The following MCTP1 variants were observed in gnomAD, a reference collection of about 807,000 sequenced individuals.
MCTP1 encodes multiple C2 and transmembrane domain containing 1, also known as multiple C2 and transmembrane domain-containing protein 1.
A neutral mutation model predicts 120.6 loss-of-function variants in MCTP1; 69 were observed. The observed-to-expected ratio is 0.57, with a 90% CI of 0.47 to 0.70. The LOEUF is 0.70. Ranked by LOEUF, MCTP1 falls within the 30% of genes least tolerant of loss-of-function variation. The pLI, the probability that MCTP1 is intolerant of heterozygous loss-of-function variation, is 0.00. For synonymous variants in MCTP1, 529 were observed against 493.1 expected (o/e 1.07, Z -0.96); for missense variants, 1,203 against 1,248.8 (o/e 0.96, Z 0.55).
intron 19 of MCTP1, among the ~76,000 whole-genome samples, chr5:94,750,003 T>TC (rs1767911712): frequency 6.6e-6 from 1 of 152,194 alleles, no homozygotes; most frequent in Admixed American, 6.5e-5. Flanking sequence ...GTCTGTACAA[T>TC]CACTTGGTAA....
intron 1 of MCTP1, among the ~76,000 whole-genome samples, chr5:95,165,190 G>A (rs917617286): frequency 2.6e-5 from 4 of 152,204 alleles, no homozygotes; most frequent in Non-Finnish European, 5.9e-5. Flanking sequence ...TGAAAAGTCT[G>A]TGCCTCAGCA....
intron 20 of MCTP1, among the ~76,000 whole-genome samples, chr5:94,714,444 GTTTA>G (rs141827482): frequency 0.051 from 7,703 of 152,142 alleles, 273 homozygotes; most frequent in Non-Finnish European, 0.08. Context: ...ATTTAGCTTG[GTTTA>G]TTTTTTTCCT....
chr5:95,025,486 A>T (rs962679523), intron 1 of MCTP1, among the ~76,000 whole-genome samples: 3 of 152,236 alleles, frequency 2.0e-5, no homozygotes, highest in African/African-American at 7.2e-5. Flanking sequence ...TCAGATGCAA[A>T]GTACAAAGTT....
At chr5:95,233,747 T>A (rs1354818362) in intron 1 of MCTP1, among the ~76,000 whole-genome samples, 2 of 152,128 alleles carry the variant, frequency 1.3e-5, no homozygotes, top group Non-Finnish European at 2.9e-5. Flanking sequence ...ACTCAAGTAG[T>A]GTTTAGAGGG....
chr5:94,996,914 T>C (rs1316186084), intron 2 of MCTP1, among the ~76,000 whole-genome samples: 1 of 152,202 alleles, frequency 6.6e-6, no homozygotes, highest in Non-Finnish European at 1.5e-5. Flanking sequence ...ACAGGTTTGA[T>C]ATGTTGAGAC....
At chr5:94,764,828 C>CAAAAAAAA (rs57246943) in intron 19 of MCTP1, among the ~76,000 whole-genome samples, 2 of 90,974 alleles carry the variant, frequency 2.2e-5, no homozygotes, top group South Asian at 3.7e-4. Flanking sequence ...TGACCTGGAC[C>CAAAAAAAA]AAAAAAAAAA....
intron 1 of MCTP1, among the ~76,000 whole-genome samples, chr5:95,144,442 G>T (rs1260224335): frequency 6.6e-6 from 1 of 151,992 alleles, no homozygotes; most frequent in Non-Finnish European, 1.5e-5. Flanking sequence ...TGTTTTTGTT[G>T]CAGTTGCTTT....
intron 1 of MCTP1, among the ~76,000 whole-genome samples, chr5:95,186,472 G>A (rs1749223380): frequency 6.6e-6 from 1 of 152,004 alleles, no homozygotes; most frequent in East Asian, 1.9e-4. Context: ...AAATGTGCAT[G>A]GGATCTTATG....
chr5:95,167,611 T>G (rs1183414303), intron 1 of MCTP1, among the ~76,000 whole-genome samples: 2 of 152,244 alleles, frequency 1.3e-5, no homozygotes, highest in Non-Finnish European at 1.5e-5. Flanking sequence ...CTAACTGGTG[T>G]GAGATGGTAT....
chr5:95,207,988 A>AGAAAGAGAGG lies in MCTP1; in HGVS notation c.720+75858_720+75867dup, dbSNP rs1562238146. On this transcript the variant is annotated intron_variant, in intron 1 of 22. Coordinates refer to ENST00000515393, the MANE Select transcript of MCTP1 (RefSeq NM_024717.7). ...GAGAGGGAGAGAGAGGGAGAGAGAG[A>AGAAAGAGAGG]GAAAGAGAGGGAGAGAGAGGGAGAG... 4.7e-3 allele frequency among the ~76,000 whole-genome samples: 467 copies of AGAAAGAGAGG among 98,504 alleles called. 9 individuals are homozygous for AGAAAGAGAGG. Among genetic ancestry groups the AGAAAGAGAGG allele is most frequent in the Admixed American group, 0.044 (415 of 9,452 alleles). The allele number at this position is 98,504 out of a possible 152,430, so 64.6% of individuals were successfully genotyped here. A position where few individuals can be genotyped will look rare whatever the true frequency, so the allele number is the denominator to read the frequency against.
intron 1 of MCTP1, among the ~76,000 whole-genome samples, chr5:95,193,198 A>G (rs2152536153): frequency 6.6e-6 from 1 of 152,320 alleles, no homozygotes; most frequent in South Asian, 2.1e-4. Flanking sequence ...ATAGTCATCA[A>G]TTCACTTAGA....
At chr5:95,160,726 C>A (rs1249062283) in intron 1 of MCTP1, among the ~76,000 whole-genome samples, 1 of 66,702 alleles carries the variant, frequency 1.5e-5, no homozygotes, top group African/African-American at 3.6e-5. Flanking sequence ...GGCTAATACC[C>A]AAAATATAGG....
chr5:94,932,426 T>C (rs1814998447), intron 5 of MCTP1, among the ~76,000 whole-genome samples: 1 of 152,038 alleles, frequency 6.6e-6, no homozygotes, highest in African/African-American at 2.4e-5. Context: ...CTGTTTCCAG[T>C]TAATCTTTAA....
At position 94,791,611 on chromosome 5, in the gene MCTP1, A is replaced by G. The variant is rs1778988374; in HGVS notation, c.2556+7402T>C. 2.0e-5 allele frequency among the ~76,000 whole-genome samples: 3 copies of G among 152,352 alleles called. 1 individual carries two copies. In the South Asian group the frequency reaches 6.2e-4, roughly 32 times the overall value. ...TTTCCAGATATGTTGCAGAATAAAAAAAGTAGGTGAGCTAAAATGCGTTAA... is the reference window on the plus strand; with the variant it reads ...TTTCCAGATATGTTGCAGAATAAAAGAAGTAGGTGAGCTAAAATGCGTTAA... On this transcript the variant is annotated intron_variant, in intron 18 of 22. Coordinates refer to ENST00000515393, the MANE Select transcript of MCTP1 (RefSeq NM_024717.7).
chr5:94,723,192 G>C (rs753548157), intron 19 of MCTP1, among the ~76,000 whole-genome samples: 9 of 152,070 alleles, frequency 5.9e-5, no homozygotes, highest in Non-Finnish European at 1.3e-4. Flanking sequence ...ATCAAATCTT[G>C]TGCAGTTTAC....
intron 1 of MCTP1, among the ~76,000 whole-genome samples, chr5:95,191,589 G>A (rs1749832250): frequency 6.6e-6 from 1 of 151,956 alleles, no homozygotes; most frequent in South Asian, 2.1e-4. Flanking sequence ...AAGTCCCAGT[G>A]AGTCACTTTC....
intron 2 of MCTP1, among the ~76,000 whole-genome samples, chr5:95,001,324 G>A (rs1158488860): frequency 6.6e-6 from 1 of 152,186 alleles, no homozygotes; most frequent in Non-Finnish European, 1.5e-5. Context: ...CAAAAAATGT[G>A]GAAGTGACTT....
intron 17 of MCTP1, among the ~76,000 whole-genome samples, chr5:94,799,365 T>C (rs1264128466): frequency 6.6e-6 from 1 of 152,082 alleles, no homozygotes; most frequent in East Asian, 1.9e-4. Flanking sequence ...GAAAAGTTGA[T>C]ATCATTACGT....
chr5:95,280,968 C>T (rs532145439), intron 1 of MCTP1, among the ~76,000 whole-genome samples: 8 of 152,228 alleles, frequency 5.3e-5, no homozygotes, highest in African/African-American at 1.9e-4. Flanking sequence ...GAGGTGGAGA[C>T]GTGGAGAGTG....
Sources: allele counts gnomAD v4.1 joint callset (sites outside exome capture counted in the v4.1 genomes callset), GRCh38; gene constraint gnomAD v4.1.1; transcripts MANE v1.5; gene names NCBI Gene and HGNC (gene_info 2026-07-23, HGNC 2026-07-21).